WDR25: variants seen among roughly 807,000 people sequenced by gnomAD.
WDR25 encodes WD repeat domain 25.
WDR25 carries 35 observed loss-of-function variants against 47.7 expected under a neutral mutation model. The ratio of observed to expected loss-of-function variants is 0.73; its 90% confidence interval spans 0.56 to 0.97. WDR25 has a LOEUF of 0.97. Ranked by LOEUF, WDR25 falls within the 50% of genes least tolerant of loss-of-function variation. The probability of loss-of-function intolerance (pLI) is 0.00; values close to 1 mark genes in which losing one functional copy is unlikely to be tolerated. For synonymous variants in WDR25, 248 were observed against 278.9 expected (o/e 0.89, Z 1.10); for missense variants, 634 against 704.7 (o/e 0.90, Z 1.14).
At chr14:100,442,153 C>T (rs1379747858) in intron 2 of WDR25, among the ~76,000 whole-genome samples, 1 of 152,198 alleles carries the variant, frequency 6.6e-6, no homozygotes, top group Non-Finnish European at 1.5e-5. Context: ...TGCAGAGGGT[C>T]TTACAGGGAG....
intron 2 of WDR25, among the ~76,000 whole-genome samples, chr14:100,400,316 G>A (rs1897347129): frequency 6.6e-6 from 1 of 152,232 alleles, no homozygotes. Context: ...GGGCTTTGTG[G>A]TCCCCTCGGA....
chr14:100,424,513 T>C lies in WDR25; in HGVS notation c.822+42767T>C, dbSNP rs1898113815. Among the ~76,000 whole-genome samples, 1 of 152,216 alleles carries C rather than the reference T, an allele frequency of 6.6e-6. No homozygotes were observed. Among genetic ancestry groups the C allele is most frequent in the East Asian group, 1.9e-4 (1 of 5,192 alleles). On this transcript the variant is annotated intron_variant, in intron 2 of 6. Coordinates refer to ENST00000402312, the MANE Select transcript of WDR25 (RefSeq NM_001161476.3). The surrounding 1 kb of genome is among the most constrained non-coding windows in gnomAD (Gnocchi z 4.2). The stretch of plus-strand genomic sequence containing the variant: ...AACAAAATGGCATGAGATTGGGACC[T>C]GGGAGCAGGCCCCACACCAGGTGTG...
chr14:100,415,990 A>G (rs1049900507), intron 2 of WDR25, among the ~76,000 whole-genome samples: 3 of 152,148 alleles, frequency 2.0e-5, no homozygotes, highest in Admixed American at 6.5e-5. Context: ...CATCTCTGTC[A>G]GTGCACTGCC....
chr14:100,383,497 C>T (rs947916538), intron 2 of WDR25, among the ~76,000 whole-genome samples: 3 of 152,224 alleles, frequency 2.0e-5, no homozygotes, highest in Non-Finnish European at 4.4e-5. Context: ...CCTGTGCTCA[C>T]CTTCCTGTTG....
At chr14:100,460,479 A>G (rs1566920770) in intron 2 of WDR25, among the ~76,000 whole-genome samples, 1 of 152,210 alleles carries the variant, frequency 6.6e-6, no homozygotes, top group Non-Finnish European at 1.5e-5. Context: ...ATCATGACCA[A>G]GGAGGATTTG....
chr14:100,444,910 A>G (rs1040410643), intron 2 of WDR25, among the ~76,000 whole-genome samples: 4 of 152,172 alleles, frequency 2.6e-5, no homozygotes, highest in Non-Finnish European at 4.4e-5. Context: ...AAGCTTCCCC[A>G]CCACTCTGGA....
chr14:100,444,053 C>A (rs1898751348), intron 2 of WDR25, among the ~76,000 whole-genome samples: 1 of 152,168 alleles, frequency 6.6e-6, no homozygotes, highest in Admixed American at 6.5e-5. Flanking sequence ...AGAGCCTTAT[C>A]CTGTCCATAG....
chr14:100,454,522 G>A, intron 2 of WDR25: 1 of 1,121,062 alleles, frequency 8.9e-7, no homozygotes. Context: ...CTGTACAACA[G>A]CAACAACAAC....
At chr14:100,495,398 G>C (rs1027953087) in intron 4 of WDR25, among the ~76,000 whole-genome samples, 1 of 152,188 alleles carries the variant, frequency 6.6e-6, no homozygotes, top group East Asian at 1.9e-4. Flanking sequence ...ACCCAAAGTA[G>C]TTCTTTTTCT....
intron 2 of WDR25, among the ~76,000 whole-genome samples, chr14:100,409,599 A>G (rs540046028): frequency 3.3e-5 from 5 of 152,318 alleles, no homozygotes; most frequent in African/African-American, 4.8e-5. Context: ...ATGAATATTG[A>G]GAAGAAATTA....
At position 100,496,907 on chromosome 14, in the gene WDR25, C is replaced by T. The variant is rs112062978; in HGVS notation, c.1101+12783C>T. 3.1e-3 allele frequency among the ~76,000 whole-genome samples: 377 copies of T among 119,950 alleles called. 2 individuals are homozygous for T. The highest frequency in any genetic ancestry group is 0.017 in the East Asian group (61 of 3,496). The allele number at this position is 119,950 out of a possible 152,430, so 78.7% of individuals were successfully genotyped here. On this transcript the variant is annotated intron_variant, in intron 4 of 6. Transcript: ENST00000402312. ...CTGGAGTGTAGTGGTATGATTTTGG[C>T]TTACTGCAAAGTCTGCCTCCTGGAT...
intron 2 of WDR25, among the ~76,000 whole-genome samples, chr14:100,408,106 A>G (rs1897597098): frequency 6.6e-6 from 1 of 151,948 alleles, no homozygotes; most frequent in Non-Finnish European, 1.5e-5. Flanking sequence ...GATGTGGGTA[A>G]ATCTGGAGTT....
chr14:100,411,183 A>G (rs1174676196), intron 2 of WDR25, among the ~76,000 whole-genome samples: 1 of 152,190 alleles, frequency 6.6e-6, no homozygotes, highest in Non-Finnish European at 1.5e-5. Flanking sequence ...TGGTAGATCC[A>G]TTCCTGAAGG....
At chr14:100,521,247 T>C (rs554468861) in intron 4 of WDR25, among the ~76,000 whole-genome samples, 4 of 152,032 alleles carry the variant, frequency 2.6e-5, no homozygotes, top group African/African-American at 9.6e-5. Context: ...TAACAGTGAC[T>C]ACATATGGCC....
At chr14:100,376,547 C>T in intron 1 of WDR25, 52 bp downstream of exon 1, 5 of 1,231,824 alleles carry the variant, frequency 4.1e-6, no homozygotes, top group Middle Eastern at 3.1e-4. Flanking sequence ...GACTGGGCAG[C>T]GCCTAAAGCG....
At position 100,448,177 on chromosome 14, in the gene WDR25, G is replaced by A. The variant is rs530584144; in HGVS notation, c.823-19844G>A. On this transcript the variant is annotated intron_variant, in intron 2 of 6. Transcript: ENST00000402312. ...GCCATTGCACTCCAGCCTGGAAAAC[G>A]AGCAAAACTCCGTCTCAAAAAAAAA... Among the ~76,000 whole-genome samples, 12 of 115,002 alleles carry A rather than the reference G, an allele frequency of 1.0e-4. No individual in the cohort carries two copies. In the East Asian group the frequency reaches 2.1e-3, roughly 20 times the overall value. 75.4% of individuals were successfully genotyped at this position (115,002 alleles called of 152,430 possible).
In WDR25 at chr14:100,392,434, C is replaced by T. The variant is rs575137101; in HGVS notation, c.822+10688C>T. 6.6e-6 allele frequency among the ~76,000 whole-genome samples: 1 copy of T among 151,756 alleles called. No individual in the cohort carries two copies. Among genetic ancestry groups the T allele is most frequent in the Non-Finnish European group, 1.5e-5 (1 of 67,950 alleles). Reference sequence around the variant, plus strand: ...TCCCAGGGGTCCAAGCCTCTGTCACCCTCTTGCCCCTTCTCCTCTGCCCTT... The same window carrying T: ...TCCCAGGGGTCCAAGCCTCTGTCACTCTCTTGCCCCTTCTCCTCTGCCCTT... On this transcript the variant is annotated intron_variant, in intron 2 of 6. Coordinates refer to ENST00000402312, the MANE Select transcript of WDR25 (RefSeq NM_001161476.3). This position sits in a 1 kb window ranked among gnomAD's most constrained non-coding sequence, Gnocchi z 4.2.
intron 4 of WDR25, among the ~76,000 whole-genome samples, chr14:100,497,896 A>G (rs774642019): frequency 1.1e-4 from 16 of 151,856 alleles, no homozygotes; most frequent in Non-Finnish European, 1.6e-4. Flanking sequence ...CCCCGGTGGG[A>G]TGCGAGCCCT....
chr14:100,486,802 G>C (rs1440553951), intron 4 of WDR25, among the ~76,000 whole-genome samples: 1 of 152,196 alleles, frequency 6.6e-6, no homozygotes, highest in Non-Finnish European at 1.5e-5. Context: ...AAGTAGGAGG[G>C]ACACAGACCT....
Sources: allele counts gnomAD v4.1 joint callset (sites outside exome capture counted in the v4.1 genomes callset), GRCh38; gene constraint gnomAD v4.1.1; non-coding constraint Gnocchi (gnomAD v3.1); transcripts MANE v1.5; gene names NCBI Gene and HGNC (gene_info 2026-07-23, HGNC 2026-07-21).